The following PCDHA4 variants were observed in gnomAD, a reference collection of about 807,000 sequenced individuals.
PCDHA4 encodes protocadherin alpha 4.
Under a neutral mutation model 61.4 loss-of-function variants are expected in PCDHA4, and 49 were observed. The observed-to-expected ratio is 0.80, with a 90% confidence interval of 0.63 to 1.01. The LOEUF (loss-of-function observed/expected upper bound fraction) is 1.01, where lower values mean the gene tolerates loss of function less well. PCDHA4 is among the 50% of genes least tolerant of loss of function. The probability of loss-of-function intolerance (pLI) is 0.00; values close to 1 mark genes in which losing one functional copy is unlikely to be tolerated. For missense variants in PCDHA4, 1,254 were observed against 1,235.8 expected (o/e 1.01, Z -0.22); for synonymous variants, 590 against 550.3 (o/e 1.07, Z -1.01).
At chr5:140,821,920 C>A (rs1554128324) in intron 1 of PCDHA4, 7 of 1,614,120 alleles carry the variant, frequency 4.3e-6, no homozygotes, top group Non-Finnish European at 5.9e-6. Context: ...CCGCATCGCG[C>A]AGGACCTAGG....
chr5:140,957,281 T>A (rs1317654133), intron 1 of PCDHA4, among the ~76,000 whole-genome samples: 3 of 152,178 alleles, frequency 2.0e-5, no homozygotes, highest in Non-Finnish European at 2.9e-5. Flanking sequence ...CCCCCTTACC[T>A]GCAGTTTCAC....
At chr5:140,822,095 T>C in intron 1 of PCDHA4, 3 of 1,614,022 alleles carry the variant, frequency 1.9e-6, no homozygotes, top group Non-Finnish European at 2.5e-6. Flanking sequence ...CACCTGGAGG[T>C]GATCGTGGAC....
intron 2 of PCDHA4, among the ~76,000 whole-genome samples, chr5:140,981,989 A>G (rs1343187322): frequency 2.0e-5 from 3 of 152,236 alleles, no homozygotes; most frequent in African/African-American, 4.8e-5. Flanking sequence ...AAAATAGAAA[A>G]TAAGGTTAAG....
At position 140,809,036 on chromosome 5, in the gene PCDHA4, GGC is replaced by G. The variant is rs1764341860; in HGVS notation, c.1856_1857del (p.Arg619HisfsTer143). On this transcript the variant is annotated frameshift_variant, in exon 1 of 4. Transcript: ENST00000530339. LOFTEE classifies it high-confidence loss of function. ...GTACGAGCTGCAGCCGGGGACTGGT[GGC>G]GCGCGCATCCCGTTCCGCGTGGGGC... is the stretch of plus-strand genomic sequence containing the variant. ...LSYELQPGTG[G>X]ARIPFRVGLY... 6.2e-7 allele frequency: 1 copy of G among 1,613,732 alleles called. No individual in the cohort carries two copies. The highest frequency in any genetic ancestry group is 8.5e-7 in the Non-Finnish European group (1 of 1,179,876).
chr5:140,855,412 A>T (rs2043457321), intron 1 of PCDHA4, among the ~76,000 whole-genome samples: 1 of 149,990 alleles, frequency 6.7e-6, no homozygotes, highest in South Asian at 2.1e-4. Context: ...GAAGCTAATG[A>T]TCTCTAAATT....
intron 1 of PCDHA4, among the ~76,000 whole-genome samples, chr5:140,854,943 T>C (rs1157657888): frequency 6.7e-6 from 1 of 149,922 alleles, no homozygotes; most frequent in East Asian, 1.9e-4. Flanking sequence ...GCAGAAATAA[T>C]AAATTTCTTA....
At chr5:140,851,732 T>C in intron 1 of PCDHA4, 2 of 971,434 alleles carry the variant, frequency 2.1e-6, no homozygotes, top group Non-Finnish European at 2.5e-6. Context: ...CGAGTTCTTT[T>C]GAAATTCAGA....
At chr5:140,885,131 CT>C (rs1162868700) in intron 1 of PCDHA4, among the ~76,000 whole-genome samples, 1 of 152,024 alleles carries the variant, frequency 6.6e-6, no homozygotes, top group Non-Finnish European at 1.5e-5. Flanking sequence ...TTCTTTCTTT[CT>C]TTTTTTAAAC....
Position 140,809,319 on chromosome 5 carries a change from TG to T in PCDHA4, c.2134del (p.Val712CysfsTer98), listed in dbSNP as rs1562224464. ...GCCATCTGCGCGGTGTCCAGCCTTT[TG>T]GTGCTCACGCTGCTGCTGTACACCG... ...IIAICAVSSLLVLTLLLYTAL... is the reference protein window; with the variant it reads ...IIAICAVSSLXVLTLLLYTAL... On this transcript the variant is annotated frameshift_variant, in exon 1 of 4. Transcript: ENST00000530339. LOFTEE classifies it high-confidence loss of function. 6.2e-7 allele frequency: 1 copy of T among 1,614,108 alleles called. No homozygotes were observed. The highest frequency in any genetic ancestry group is 8.5e-7 in the Non-Finnish European group (1 of 1,179,946).
intron 1 of PCDHA4, chr5:140,865,219 G>C (rs2048775576): frequency 6.6e-6 from 1 of 152,062 alleles, no homozygotes; most frequent in Admixed American, 6.5e-5. Context: ...TTTCTTTAAA[G>C]GGATCCCAGA....
intron 1 of PCDHA4, among the ~76,000 whole-genome samples, chr5:140,827,710 T>C (rs1414085053): frequency 3.3e-5 from 5 of 152,232 alleles, no homozygotes; most frequent in Admixed American, 6.5e-5. Context: ...GTTGCAAATA[T>C]TGGTAGAAAA....
At chr5:140,816,107 T>C (rs1429188070) in intron 1 of PCDHA4, 1 of 152,208 alleles carries the variant, frequency 6.6e-6, no homozygotes, top group Non-Finnish European at 1.5e-5. Flanking sequence ...TTTTCTCTTA[T>C]GGCTTCTTCT....
Position 140,927,866 on chromosome 5 carries a change from A to G in PCDHA4, c.2386-51083A>G, listed in dbSNP as rs1554205166. The G allele has an allele frequency of 2.5e-6, 4 of 1,614,224 alleles. No individual in the cohort carries two copies. In the Admixed American group the frequency reaches 6.7e-5, roughly 27 times the overall value. On this transcript the variant is annotated intron_variant, in intron 1 of 3. Transcript: ENST00000530339. Reference sequence around the variant, plus strand: ...GTCTTTGGTTTAGCTAGCACCGCTAAACTGCTGGTGGAGGTGACTGACGTG... The same window carrying G: ...GTCTTTGGTTTAGCTAGCACCGCTAGACTGCTGGTGGAGGTGACTGACGTG...
intron 1 of PCDHA4, among the ~76,000 whole-genome samples, chr5:140,930,773 TA>T (rs1192170091): frequency 6.6e-6 from 1 of 152,226 alleles, no homozygotes; most frequent in East Asian, 1.9e-4. Flanking sequence ...CTGTACTTAA[TA>T]TTTTCACAAT....
At chr5:140,957,109 T>C (rs2095334016) in intron 1 of PCDHA4, among the ~76,000 whole-genome samples, 1 of 152,174 alleles carries the variant, frequency 6.6e-6, no homozygotes, top group Non-Finnish European at 1.5e-5. Context: ...ATGGACATGA[T>C]TCTGTGTGTT....
At chr5:140,830,456 C>T in intron 1 of PCDHA4, 1 of 1,594,032 alleles carries the variant, frequency 6.3e-7, no homozygotes, top group South Asian at 1.1e-5. Context: ...GGCGGAGAAT[C>T]AGGATTTAAA....
intron 1 of PCDHA4, chr5:140,811,439 T>G (rs1325760038): frequency 6.6e-6 from 1 of 152,240 alleles, no homozygotes; most frequent in Non-Finnish European, 1.5e-5. Context: ...TCCAAGTCTT[T>G]GCTATTGTGA....
At position 140,824,610 on chromosome 5, in the gene PCDHA4, G is replaced by GTTTTTTTTTTTTTTTTTTTTTT. The variant is rs782443702; in HGVS notation, c.2385+15039_2385+15060dup. ...GGACTACATGCACATGCTAATTAAA[G>GTTTTTTTTTTTTTTTTTTTTTT]TTTTTTTTTTTTTTTTTTTTTTATT... On this transcript the variant is annotated intron_variant, in intron 1 of 3. Coordinates refer to ENST00000530339, the MANE Select transcript of PCDHA4 (RefSeq NM_018907.4). 6 of 95,112 alleles carry GTTTTTTTTTTTTTTTTTTTTTT rather than the reference G, an allele frequency of 6.3e-5. 1 individual carries two copies. Among genetic ancestry groups the GTTTTTTTTTTTTTTTTTTTTTT allele is most frequent in the African/African-American group, 2.4e-4 (5 of 20,574 alleles). 5.9% of individuals were successfully genotyped at this position (95,112 alleles called of 1,614,324 possible).
At chr5:140,995,410 T>C (rs555899259) in intron 3 of PCDHA4, among the ~76,000 whole-genome samples, 1 of 152,310 alleles carries the variant, frequency 6.6e-6, no homozygotes, top group Non-Finnish European at 1.5e-5. Flanking sequence ...CGAGATTTCA[T>C]CACATTACTC....
Sources: gnomAD v4.1 joint callset for allele counts (sites outside exome capture counted in the v4.1 genomes callset) on GRCh38, gnomAD v4.1.1 for gene constraint, MANE v1.5 for transcripts, NCBI Gene and HGNC (gene_info 2026-07-23, HGNC 2026-07-21) for gene names.